Variants in TMEM25 observed in about 807,000 individuals in gnomAD.
TMEM25 encodes the protein transmembrane protein 25.
Under a neutral mutation model 37.0 loss-of-function variants are expected in TMEM25, and 36 were observed. The observed-to-expected ratio is 0.97, with a 90% CI of 0.75 to 1.28. The LOEUF is 1.28. TMEM25 is among the 50% of genes most tolerant of loss of function. TMEM25 has a pLI of 0.00. For missense variants in TMEM25, 444 were observed against 477.9 expected (o/e 0.93, Z 0.66); for synonymous variants, 197 against 203.7 (o/e 0.97, Z 0.28).
At chr11:118,543,002 G>A (rs570795379) in intron 8 of TMEM25, among the ~76,000 whole-genome samples, 1 of 152,206 alleles carries the variant, frequency 6.6e-6, no homozygotes, top group African/African-American at 2.4e-5. Flanking sequence ...AGCACTTTGG[G>A]AGGCTGAGGC....
exon 9 of TMEM25, chr11:118,546,289 G>A: frequency 1.6e-6 from 1 of 642,696 alleles, no homozygotes; most frequent in Non-Finnish European, 2.8e-6. Context: ...CCTGAGCCTA[G>A]GAGTTCGAGA....
At chr11:118,541,211 C>T (rs1171837504) in intron 8 of TMEM25, among the ~76,000 whole-genome samples, 1 of 151,956 alleles carries the variant, frequency 6.6e-6, no homozygotes, top group Non-Finnish European at 1.5e-5. Context: ...GCCTGTAATC[C>T]CAGCACTTTG....
chr11:118,543,387 G>A (rs1379037591), intron 8 of TMEM25, among the ~76,000 whole-genome samples: 2 of 152,006 alleles, frequency 1.3e-5, no homozygotes, highest in South Asian at 2.1e-4. Context: ...TACCAGCGCC[G>A]GCAATGACTA....
exon 9 of TMEM25, chr11:118,546,210 A>C (rs1484607876): frequency 1.4e-6 from 1 of 717,036 alleles, no homozygotes; most frequent in Admixed American, 2.0e-5. Flanking sequence ...GAAGAAATCA[A>C]TCTTGGTGGG....
Position 118,533,346 on chromosome 11 carries a change from G to A in TMEM25, c.674-74G>A, listed in dbSNP as rs141612590. On this transcript the variant is annotated intron_variant, in intron 4 of 8. Transcript: ENST00000313236. Reference sequence around the variant, plus strand: ...TCCCCAGCCACCCTGGGCAAGGAGGGCAGAGTAGTACCTATGGCATGTTGG... The same window carrying A: ...TCCCCAGCCACCCTGGGCAAGGAGGACAGAGTAGTACCTATGGCATGTTGG... 4 of 1,598,570 alleles carry A rather than the reference G, an allele frequency of 2.5e-6. No homozygotes were observed. In the African/African-American group the frequency reaches 4.0e-5, roughly 16 times the overall value.
At chr11:118,545,540 G>A in intron 8 of TMEM25, 1 of 1,474,486 alleles carries the variant, frequency 6.8e-7, no homozygotes, top group Non-Finnish European at 9.5e-7. Context: ...ACAAACTCCG[G>A]GAATTAGAGG....
At position 118,532,132 on chromosome 11, in the gene TMEM25, C is replaced by T; in HGVS notation, c.71-18C>T. On this transcript the variant is annotated intron_variant, in intron 2 of 8. Coordinates refer to ENST00000313236, the MANE Select transcript of TMEM25 (RefSeq NM_032780.4). ...ACCGTGCCTGAGCCCTTCCCAGAGG[C>T]CTCCTGCTGTGTTCCAGGTTGGGGG... is the stretch of plus-strand genomic sequence containing the variant. The T allele has an allele frequency of 6.5e-7, 1 of 1,530,782 alleles. No individual in the cohort carries two copies. The highest frequency in any genetic ancestry group is 8.8e-7 in the Non-Finnish European group (1 of 1,137,438). 94.8% of individuals were successfully genotyped at this position (1,530,782 alleles called of 1,614,324 possible).
chr11:118,532,242 G>C lies in TMEM25; in HGVS notation c.163G>C (p.Ala55Pro), dbSNP rs781968336. The C allele has an allele frequency of 1.4e-5, 23 of 1,613,390 alleles. No homozygotes were observed. The highest frequency in any genetic ancestry group is 1.9e-5 in the Non-Finnish European group (22 of 1,179,608). ...NERHAFTCRV[A>P]GGPGTPRLAW... ...ACGCCACGCCTTCACCTGCCGGGTG[G>C]CAGGGGGGCCTGGCACCCCCAGATT... The change falls in exon 3 of 9, where the codon GCA becomes CCA. Residue 55 changes from alanine to proline, a missense_variant. Transcript: ENST00000313236.
chr11:118,545,377 C>G, intron 8 of TMEM25: 1 of 1,468,684 alleles, frequency 6.8e-7, no homozygotes, highest in African/African-American at 1.4e-5. Flanking sequence ...ATCCTCTCTA[C>G]AGCTTAAGTC....
chr11:118,533,280 G>A (rs933819894), intron 4 of TMEM25, 73 bp downstream of exon 4: 54 of 1,558,556 alleles, frequency 3.5e-5, no homozygotes, highest in Admixed American at 2.1e-4. Flanking sequence ...ACAGAAATGG[G>A]AATACTTGTT....
chr11:118,544,800 G>GC, intron 8 of TMEM25: 2 of 729,220 alleles, frequency 2.7e-6, no homozygotes. Context: ...GACATGCACT[G>GC]CCCCTGAGCC....
intron 8 of TMEM25, among the ~76,000 whole-genome samples, chr11:118,541,906 T>C (rs1951584045): frequency 6.6e-6 from 1 of 152,124 alleles, no homozygotes; most frequent in African/African-American, 2.4e-5. Context: ...CACAGGTGTA[T>C]ACCATCATGC....
chr11:118,534,433 G>C lies in TMEM25; in HGVS notation c.1028-74G>C, dbSNP rs2135405208. 1 of 1,610,450 alleles carries C rather than the reference G, an allele frequency of 6.2e-7. No homozygotes were observed. Among genetic ancestry groups the C allele is most frequent in the East Asian group, 2.2e-5 (1 of 44,784 alleles). Reference sequence around the variant, plus strand: ...TATGCCAGAGGCCTCCAAGTGCCCAGGAGGCAGAGAGAGCTCTCCAAATTC... The same window carrying C: ...TATGCCAGAGGCCTCCAAGTGCCCACGAGGCAGAGAGAGCTCTCCAAATTC... On this transcript the variant is annotated intron_variant, in intron 8 of 8. Transcript: ENST00000313236. The surrounding 1 kb of genome is among the most constrained non-coding windows in gnomAD (Gnocchi z 4.6).
chr11:118,537,058 G>C (rs1951519647), downstream of TMEM25, among the ~76,000 whole-genome samples: 1 of 152,006 alleles, frequency 6.6e-6, no homozygotes, highest in Non-Finnish European at 1.5e-5. Context: ...AAATTTGGAG[G>C]GGGCAGGCAT....
downstream of TMEM25, among the ~76,000 whole-genome samples, chr11:118,537,024 G>A (rs138306388): frequency 8.7e-4 from 132 of 152,148 alleles, 1 homozygote; most frequent in African/African-American, 3.1e-3. Context: ...GCAGGTGTGT[G>A]CCATTGTGCT....
At chr11:118,537,867 A>G (rs1449586446), downstream of TMEM25, among the ~76,000 whole-genome samples, 1 of 152,090 alleles carries the variant, frequency 6.6e-6, no homozygotes, top group Non-Finnish European at 1.5e-5. Context: ...CCTGGGCAAC[A>G]TGGTGAGAGT....
chr11:118,532,564 C>G, intron 3 of TMEM25, 103 bp downstream of exon 3: 2 of 1,326,588 alleles, frequency 1.5e-6, no homozygotes, highest in Non-Finnish European at 2.0e-6. Context: ...CACTTAAGCA[C>G]TTTGCAAATA....
rs7129371 is a variant in TMEM25 at position 118,533,481 on chromosome 11, A to C, written c.735A>C (p.Ala245=). 0.011 allele frequency: 18,047 copies of C among 1,614,094 alleles called. 1,554 individuals carry two copies. In the African/African-American group the frequency reaches 0.2, roughly 17 times the overall value. Residue 245 remains alanine, a synonymous_variant, in exon 5 of 9, where the codon GCA becomes GCC. Coordinates refer to ENST00000313236, the MANE Select transcript of TMEM25 (RefSeq NM_032780.4). ...GCATTGTTGTGGCTGCTGGGCTTGC[A>C]CTGGGCACCCTCGTGGGGTTCAGCA... The part of the protein sequence containing the change: ...LLGIVVAAGL[A]LGTLVGFSTL...
intron 2 of TMEM25, 28 bp from the exon 3 acceptor site, chr11:118,532,122 T>C: frequency 6.6e-7 from 1 of 1,517,002 alleles, no homozygotes; most frequent in Non-Finnish European, 8.8e-7. Context: ...GCCTGAGCCC[T>C]TCCCAGAGGC....
Sources: gnomAD v4.1 joint callset for allele counts (sites outside exome capture counted in the v4.1 genomes callset) on GRCh38, gnomAD v4.1.1 for gene constraint, Gnocchi (gnomAD v3.1) non-coding constraint, MANE v1.5 for transcripts, NCBI Gene and HGNC (gene_info 2026-07-23, HGNC 2026-07-21) for gene names.